Variants in SCAMP1 observed in about 807,000 individuals in gnomAD.
The protein encoded by SCAMP1 is secretory carrier membrane protein 1.
A neutral mutation model predicts 41.8 loss-of-function variants in SCAMP1; 15 were observed. The ratio of observed to expected loss-of-function variants is 0.36; its 90% CI spans 0.24 to 0.55. The LOEUF (loss-of-function observed/expected upper bound fraction) is 0.55. Ranked by LOEUF, SCAMP1 falls within the 20% of genes least tolerant of loss-of-function variation. The pLI, the probability that SCAMP1 is intolerant of heterozygous loss-of-function variation, is 0.86. For missense variants in SCAMP1, 341 were observed against 412.6 expected (o/e 0.83, Z 1.50); for synonymous variants, 135 against 136.8 (o/e 0.99, Z 0.09).
At chr5:78,461,648 G>A (rs1395831177) in intron 8 of SCAMP1, among the ~76,000 whole-genome samples, 2 of 152,058 alleles carry the variant, frequency 1.3e-5, no homozygotes, top group Non-Finnish European at 2.9e-5. Context: ...TGCACCCTCA[G>A]CCTCCCCAGG....
At chr5:78,422,094 G>C in intron 6 of SCAMP1, 134 bp downstream of exon 6, 1 of 674,048 alleles carries the variant, frequency 1.5e-6, no homozygotes, top group Non-Finnish European at 2.4e-6. Flanking sequence ...CTTCAGGAAA[G>C]TTCAATATAG....
intron 6 of SCAMP1, among the ~76,000 whole-genome samples, chr5:78,440,133 C>T (rs1476514530): frequency 4.6e-5 from 7 of 152,088 alleles, no homozygotes; most frequent in East Asian, 1.9e-4. Context: ...TTTTTAGCTT[C>T]GTGATGGGTT....
At chr5:78,436,914 T>C (rs1025025571) in intron 6 of SCAMP1, among the ~76,000 whole-genome samples, 1 of 152,216 alleles carries the variant, frequency 6.6e-6, no homozygotes, top group Non-Finnish European at 1.5e-5. Context: ...CAGTGGTTTG[T>C]AGTTCTCCTT....
At chr5:78,368,734 A>G (rs1750861116) in intron 1 of SCAMP1, among the ~76,000 whole-genome samples, 1 of 152,124 alleles carries the variant, frequency 6.6e-6, no homozygotes, top group Admixed American at 6.5e-5. Flanking sequence ...TTTAAGTTTC[A>G]ATTACTCAGT....
chr5:78,465,896 GGATGGGGCATACCCA>G (rs1753734143), intron 8 of SCAMP1, among the ~76,000 whole-genome samples: 1 of 152,166 alleles, frequency 6.6e-6, no homozygotes, highest in East Asian at 1.9e-4. Flanking sequence ...TCAACAGATT[GGATGGGGCATACCCA>G]GATAATCTAG....
intron 8 of SCAMP1, among the ~76,000 whole-genome samples, chr5:78,465,398 A>C (rs1011188420): frequency 6.6e-6 from 1 of 152,180 alleles, no homozygotes; most frequent in Non-Finnish European, 1.5e-5. Context: ...GGTGTCCTCA[A>C]CTGTACTCCA....
chr5:78,476,907 A>C lies in SCAMP1; in HGVS notation c.*1239A>C, dbSNP rs1314990833. The C allele has an allele frequency of 6.6e-6, 1 of 152,202 alleles. No individual in the cohort carries two copies. Among genetic ancestry groups the C allele is most frequent in the Non-Finnish European group, 1.5e-5 (1 of 67,990 alleles). 9.4% of individuals were successfully genotyped at this position (152,202 alleles called of 1,614,324 possible). A position where few individuals can be genotyped will look rare whatever the true frequency, so the allele number is the denominator to read the frequency against. On this transcript the variant is annotated 3_prime_UTR_variant, in exon 9 of 9. Transcript: ENST00000621999. Reference sequence around the variant, plus strand: ...TTGTTACTATGCAGCACAGAACTTCATTCTTATAGTATTCTTGGGTTCAAC... The same window carrying C: ...TTGTTACTATGCAGCACAGAACTTCCTTCTTATAGTATTCTTGGGTTCAAC...
chr5:78,401,906 A>G (rs1300927611), intron 2 of SCAMP1, among the ~76,000 whole-genome samples: 1 of 152,036 alleles, frequency 6.6e-6, no homozygotes, highest in Admixed American at 6.6e-5. Context: ...ATTTCCTAAC[A>G]TGGAAACTTG....
intron 6 of SCAMP1, among the ~76,000 whole-genome samples, chr5:78,442,414 A>G (rs1249424505): frequency 3.9e-5 from 6 of 152,088 alleles, no homozygotes; most frequent in African/African-American, 1.4e-4. Context: ...GTCCACAACC[A>G]TGCCTGGTTA....
chr5:78,458,242 C>G (rs1191163100), intron 7 of SCAMP1, among the ~76,000 whole-genome samples: 1 of 152,192 alleles, frequency 6.6e-6, no homozygotes, highest in African/African-American at 2.4e-5. Context: ...AACAGACAAA[C>G]TGTTCTCTAG....
At chr5:78,449,899 C>G in intron 6 of SCAMP1, 34 bp from the exon 7 acceptor site, 1 of 1,196,824 alleles carries the variant, frequency 8.4e-7, no homozygotes, top group South Asian at 1.4e-5. Flanking sequence ...CCCCCTAACC[C>G]CCTTTTTTCT....
intron 2 of SCAMP1, among the ~76,000 whole-genome samples, chr5:78,403,071 A>C (rs940915714): frequency 1.3e-5 from 2 of 152,092 alleles, no homozygotes; most frequent in Non-Finnish European, 2.9e-5. Context: ...GGGTTTCACC[A>C]TGTTGGCCAT....
At chr5:78,417,391 G>C (rs934468557) in intron 4 of SCAMP1, among the ~76,000 whole-genome samples, 1 of 152,190 alleles carries the variant, frequency 6.6e-6, no homozygotes, top group South Asian at 2.1e-4. Context: ...AGCATCAGAG[G>C]TAGCATCTAT....
intron 8 of SCAMP1, among the ~76,000 whole-genome samples, chr5:78,460,753 C>CGTCCG (rs1240155940): frequency 4.4e-5 from 1 of 22,574 alleles, no homozygotes; most frequent in African/African-American, 2.7e-4. Flanking sequence ...TCCTTCCTTC[C>CGTCCG]TTCCTTCCTT....
In SCAMP1 at chr5:78,413,380, T is replaced by A. The variant is rs577921749; in HGVS notation, c.136-2140T>A. On this transcript the variant is annotated intron_variant, in intron 2 of 8. Coordinates refer to ENST00000621999, the MANE Select transcript of SCAMP1 (RefSeq NM_004866.6). ...CTTGATATCATAGGTCTTCCTACTT[T>A]GTTTTTCTTCAAAATGGTTTGACCT... Among the ~76,000 whole-genome samples, 7 of 152,084 alleles carry A rather than the reference T, an allele frequency of 4.6e-5. No homozygotes were observed. In the South Asian group the frequency reaches 1.5e-3, roughly 32 times the overall value.
At chr5:78,386,925 A>G (rs552853222) in intron 1 of SCAMP1, among the ~76,000 whole-genome samples, 11 of 152,208 alleles carry the variant, frequency 7.2e-5, no homozygotes, top group African/African-American at 2.2e-4. Flanking sequence ...CCTGATGACT[A>G]TGTGCCTAGG....
intron 2 of SCAMP1, among the ~76,000 whole-genome samples, chr5:78,399,265 A>G (rs1751740481): frequency 6.6e-6 from 1 of 152,240 alleles, no homozygotes; most frequent in Admixed American, 6.5e-5. Flanking sequence ...TGATGAATAG[A>G]GCTGCTATAA....
intron 6 of SCAMP1, among the ~76,000 whole-genome samples, chr5:78,439,754 G>A (rs957769524): frequency 6.6e-6 from 1 of 152,132 alleles, no homozygotes; most frequent in South Asian, 2.1e-4. Context: ...GAATTTGAAT[G>A]TTGACCTGCC....
intron 8 of SCAMP1, among the ~76,000 whole-genome samples, chr5:78,474,546 C>T (rs1753961670): frequency 6.6e-6 from 1 of 152,142 alleles, no homozygotes; most frequent in African/African-American, 2.4e-5. Flanking sequence ...ATCTTTGACT[C>T]ATTCTTTTTC....
Sources: allele counts gnomAD v4.1 joint callset (sites outside exome capture counted in the v4.1 genomes callset), GRCh38; gene constraint gnomAD v4.1.1; transcripts MANE v1.5; gene names NCBI Gene and HGNC (gene_info 2026-07-23, HGNC 2026-07-21).